CACNA1I: variants seen among roughly 807,000 people sequenced by gnomAD.
CACNA1I encodes calcium voltage-gated channel subunit alpha1 I, also known as voltage-dependent T-type calcium channel subunit alpha-1I.
Under a neutral mutation model 201.6 loss-of-function variants are expected in CACNA1I, and 74 were observed. The ratio of observed to expected loss-of-function variants is 0.37; its 90% CI spans 0.30 to 0.45. CACNA1I has a LOEUF of 0.45. Among genes scored for constraint, CACNA1I ranks in the 20% least tolerant of loss-of-function variants. The pLI is 1.00. For missense variants in CACNA1I, 2,346 were observed against 3,138.1 expected (o/e 0.75, Z 6.03); for synonymous variants, 1,431 against 1,345.2 (o/e 1.06, Z -1.40).
In CACNA1I at chr22:39,580,062, C is replaced by T. The variant is rs578252028; in HGVS notation, c.236+9074C>T. 5.9e-5 allele frequency among the ~76,000 whole-genome samples: 9 copies of T among 152,336 alleles called. No individual in the cohort carries two copies. The East Asian group carries it at 1.7e-3, about 29-fold the overall frequency. On this transcript the variant is annotated intron_variant, in intron 1 of 36. Coordinates refer to ENST00000402142, the MANE Select transcript of CACNA1I (RefSeq NM_021096.4). ...AGAGATCCACCCCATGACCCAAACA[C>T]CTCCCTCTAGGCTCCACCTCCAGCA... is the stretch of plus-strand genomic sequence containing the variant.
At chr22:39,657,925 G>C (rs557817923) in intron 10 of CACNA1I, among the ~76,000 whole-genome samples, 1 of 152,198 alleles carries the variant, frequency 6.6e-6, no homozygotes, top group African/African-American at 2.4e-5. Flanking sequence ...GAAGGTCAGC[G>C]CTGTGGGGTC....
At chr22:39,572,673 GC>G (rs1804161416) in intron 1 of CACNA1I, among the ~76,000 whole-genome samples, 2 of 152,070 alleles carry the variant, frequency 1.3e-5, no homozygotes, top group Non-Finnish European at 2.9e-5. Flanking sequence ...ACTGACATCT[GC>G]CCTGGGACAC....
At chr22:39,617,344 C>G (rs970499931) in intron 3 of CACNA1I, among the ~76,000 whole-genome samples, 18 of 152,326 alleles carry the variant, frequency 1.2e-4, no homozygotes, top group African/African-American at 4.3e-4. Flanking sequence ...GCCCCCATCT[C>G]CAGCTCACCC....
rs1157268965 is a variant in CACNA1I at position 39,661,935 on chromosome 22, G to A, written c.2902-30G>A. ...GCCCCAGCCGTGGGTGTGCCTGTGG[G>A]GCGCTGACCCGAACGGGAACTCCTT... On this transcript the variant is annotated intron_variant, in intron 16 of 36. Coordinates refer to ENST00000402142, the MANE Select transcript of CACNA1I (RefSeq NM_021096.4). 4.2e-6 allele frequency: 6 copies of A among 1,419,892 alleles called. No individual in the cohort carries two copies. The Admixed American group carries it at 1.6e-4, about 39-fold the overall frequency. The allele number at this position is 1,419,892 out of a possible 1,614,324, so 88.0% of individuals were successfully genotyped here.
intron 1 of CACNA1I, among the ~76,000 whole-genome samples, chr22:39,584,632 G>A (rs181542594): frequency 6.6e-6 from 1 of 152,314 alleles, no homozygotes; most frequent in East Asian, 1.9e-4. Flanking sequence ...AAGTCTAGGG[G>A]CTTGTGGCAT....
Position 39,686,360 on chromosome 22 carries a change from C to G in CACNA1I, c.6627C>G (p.Pro2209=), listed in dbSNP as rs368693215. The G allele has an allele frequency of 7.6e-7, 1 of 1,313,482 alleles. No homozygotes were observed. The highest frequency in any genetic ancestry group is 9.7e-7 in the Non-Finnish European group (1 of 1,029,082). 81.4% of individuals were successfully genotyped at this position (1,313,482 alleles called of 1,614,324 possible). ...GPLAPPPQPL[P]GELEPGDAAS... is the part of the protein sequence containing the mutation. ...TGGCGCCCCCGCCGCAACCGCTCCC[C>G]GGAGAGCTGGAGCCGGGAGACGCCG... Residue 2209 remains proline (P), a synonymous_variant, in exon 37 of 37, where the codon CCC becomes CCG. Coordinates refer to ENST00000402142, the MANE Select transcript of CACNA1I (RefSeq NM_021096.4).
intron 1 of CACNA1I, among the ~76,000 whole-genome samples, chr22:39,580,008 A>G (rs1569045279): frequency 6.6e-6 from 1 of 152,238 alleles, no homozygotes; most frequent in Admixed American, 6.5e-5. Flanking sequence ...CTCACTTGTT[A>G]TCCAGGGGAG....
intron 33 of CACNA1I, 82 bp from the exon 34 acceptor site, chr22:39,680,847 TC>T (rs974668157): frequency 3.0e-4 from 442 of 1,468,256 alleles, no homozygotes; most frequent in Non-Finnish European, 3.7e-4. Flanking sequence ...CTTCAGAGCC[TC>T]AGGCCTGTGG....
At chr22:39,615,745 T>A (rs1479039504) in intron 3 of CACNA1I, among the ~76,000 whole-genome samples, 16 of 152,224 alleles carry the variant, frequency 1.1e-4, no homozygotes, top group Non-Finnish European at 2.4e-4. Flanking sequence ...TGCATTTATA[T>A]GCTCTTATTC....
intron 1 of CACNA1I, among the ~76,000 whole-genome samples, chr22:39,591,067 G>T (rs1360497587): frequency 6.6e-6 from 1 of 150,658 alleles, no homozygotes; most frequent in East Asian, 1.9e-4. Flanking sequence ...TGCCCAGGCT[G>T]GTCTCAAACT....
At chr22:39,627,005 A>ACC (rs2058684260) in intron 4 of CACNA1I, among the ~76,000 whole-genome samples, 1 of 152,160 alleles carries the variant, frequency 6.6e-6, no homozygotes, top group Non-Finnish European at 1.5e-5. Flanking sequence ...TCTGCCCAAG[A>ACC]CCACACAGCT....
intron 29 of CACNA1I, among the ~76,000 whole-genome samples, chr22:39,675,213 C>G (rs1404586202): frequency 6.6e-6 from 1 of 152,194 alleles, no homozygotes; most frequent in Non-Finnish European, 1.5e-5. Context: ...GGTGAAGCAT[C>G]GCTCCCTCAA....
chr22:39,665,624 G>A lies in CACNA1I; in HGVS notation c.3978G>A (p.Gln1326=). Residue 1326 remains glutamine (Q), a splice_region_variant and synonymous_variant, in exon 22 of 37, where the codon CAG becomes CAA. Coordinates refer to ENST00000402142, the MANE Select transcript of CACNA1I (RefSeq NM_021096.4). The surrounding 1 kb of genome is among the most constrained non-coding windows in gnomAD (Gnocchi z 5.5). ...FFIIFGILGV[Q]LFKGKFYHCL... Reference sequence around the variant, plus strand: ...TCATCTTTGGCATCCTGGGAGTGCAGGTGAGGGGTGCCCAGTCTGGGCAGG... The same window carrying A: ...TCATCTTTGGCATCCTGGGAGTGCAAGTGAGGGGTGCCCAGTCTGGGCAGG... 2 of 1,613,690 alleles carry A rather than the reference G, an allele frequency of 1.2e-6. No homozygotes were observed. The highest frequency in any genetic ancestry group is 1.7e-6 in the Non-Finnish European group (2 of 1,179,718).
rs917536264 is a variant in CACNA1I at position 39,684,161 on chromosome 22, A to G, written c.5831-141A>G. 4.6e-6 allele frequency: 3 copies of G among 656,814 alleles called. No individual in the cohort carries two copies. The highest frequency in any genetic ancestry group is 1.8e-5 in the African/African-American group (1 of 55,038). 40.7% of individuals were successfully genotyped at this position (656,814 alleles called of 1,614,324 possible). ...GGAAACGAAGGCTTAGAGAGGGGGG[A>G]CTTGTCCACAGTCTCACAGTCAGTT... On this transcript the variant is annotated intron_variant, in intron 35 of 36. Transcript: ENST00000402142. This position sits in a 1 kb window ranked among gnomAD's most constrained non-coding sequence, Gnocchi z 4.6.
intron 1 of CACNA1I, among the ~76,000 whole-genome samples, chr22:39,588,510 C>T (rs927450529): frequency 7.6e-4 from 115 of 151,758 alleles, no homozygotes; most frequent in Non-Finnish European, 1.1e-3. Flanking sequence ...CTCAGCCTCC[C>T]GAGTAGCTGG....
At chr22:39,668,261 C>T (rs773018722) in intron 23 of CACNA1I, 31 bp from the exon 24 acceptor site, 1 of 1,401,920 alleles carries the variant, frequency 7.1e-7, no homozygotes, top group Non-Finnish European at 1.0e-6. Context: ...ACAGTCCTCA[C>T]CCCTGCATTC....
At chr22:39,680,717 C>T (rs1171488812) in intron 33 of CACNA1I, among the ~76,000 whole-genome samples, 2 of 152,194 alleles carry the variant, frequency 1.3e-5, no homozygotes, top group Admixed American at 1.3e-4. Context: ...GAGCTGGCTT[C>T]CACTGGAGGT....
intron 4 of CACNA1I, among the ~76,000 whole-genome samples, 188 bp from the exon 5 acceptor site, chr22:39,634,377 T>G (rs1354028575): frequency 6.6e-6 from 1 of 152,060 alleles, no homozygotes; most frequent in African/African-American, 2.4e-5. Context: ...TTCCATGGCT[T>G]TTTCGGTGGA....
At chr22:39,635,706 G>A (rs1050029924) in intron 5 of CACNA1I, among the ~76,000 whole-genome samples, 2 of 152,016 alleles carry the variant, frequency 1.3e-5, no homozygotes, top group Non-Finnish European at 2.9e-5. Context: ...CCTGAGGCAG[G>A]GCCTGGGGCA....
Sources: gnomAD v4.1 joint callset for allele counts (sites outside exome capture counted in the v4.1 genomes callset) on GRCh38, gnomAD v4.1.1 for gene constraint, Gnocchi (gnomAD v3.1) non-coding constraint, MANE v1.5 for transcripts, NCBI Gene and HGNC (gene_info 2026-07-23, HGNC 2026-07-21) for gene names.